The following BLK variants were observed in gnomAD, a reference collection of about 807,000 sequenced individuals.
BLK encodes the protein tyrosine-protein kinase Blk.
BLK carries 64 observed loss-of-function variants against 61.8 expected under a neutral mutation model. That is an observed-to-expected ratio of 1.03 (90% confidence interval 0.85 to 1.27). BLK has a LOEUF of 1.27. BLK is among the 50% of genes most tolerant of loss of function. The probability of loss-of-function intolerance (pLI) is 0.00; values close to 1 mark genes in which losing one functional copy is unlikely to be tolerated. For synonymous variants in BLK, 351 were observed against 272.0 expected (o/e 1.29, Z -2.86); for missense variants, 853 against 660.5 (o/e 1.29, Z -3.19).
intron 1 of BLK, among the ~76,000 whole-genome samples, 154 bp from the exon 2 acceptor site, chr8:11,543,070 C>T (rs1183927911): frequency 2.0e-5 from 3 of 152,204 alleles, no homozygotes; most frequent in Non-Finnish European, 4.4e-5. Flanking sequence ...CACCCACCCG[C>T]TTCTACCCAC....
chr8:11,505,477 G>T (rs1179515331), intron 1 of BLK, among the ~76,000 whole-genome samples: 1 of 152,144 alleles, frequency 6.6e-6, no homozygotes, highest in Non-Finnish European at 1.5e-5. Flanking sequence ...GTAGCCTCTG[G>T]CCGGTGTCCC....
chr8:11,499,642 G>C (rs1353781514), intron 1 of BLK, among the ~76,000 whole-genome samples: 1 of 152,204 alleles, frequency 6.6e-6, no homozygotes, highest in Non-Finnish European at 1.5e-5. Context: ...CTCCACAGGA[G>C]AAGCCCAGAG....
chr8:11,520,493 A>G (rs11779399), intron 1 of BLK, among the ~76,000 whole-genome samples: 1 of 148,312 alleles, frequency 6.7e-6, no homozygotes, highest in African/African-American at 2.5e-5. Flanking sequence ...AAAAAAAAAA[A>G]AAAAAAAAAG....
At chr8:11,563,755 G>A (rs937828432) in intron 12 of BLK, 148 bp from the exon 13 acceptor site, 2 of 729,942 alleles carry the variant, frequency 2.7e-6, no homozygotes, top group African/African-American at 3.6e-5. Context: ...CGGGCAGCCA[G>A]GCAACGCACG....
intron 1 of BLK, among the ~76,000 whole-genome samples, chr8:11,532,219 G>T (rs1434253210): frequency 1.0e-5 from 1 of 97,634 alleles, no homozygotes; most frequent in African/African-American, 3.5e-5. Flanking sequence ...ATTTATTTGA[G>T]ACAAAATCTC....
At chr8:11,528,272 A>G (rs1398281209) in intron 1 of BLK, among the ~76,000 whole-genome samples, 1 of 152,158 alleles carries the variant, frequency 6.6e-6, no homozygotes, top group Non-Finnish European at 1.5e-5. Context: ...CCTGAGCTCA[A>G]GTGATCTCCC....
chr8:11,495,144 C>T lies in BLK; in HGVS notation c.-2+553C>T, dbSNP rs1406487772. Among the ~76,000 whole-genome samples, 3 of 152,320 alleles carry T rather than the reference C, an allele frequency of 2.0e-5. No homozygotes were observed. In the East Asian group the frequency reaches 5.8e-4, roughly 29 times the overall value. ...CTTCTTGTTTAAGAGATCTATTTCA[C>T]CAGGAAACACCAACTGTGAAAAGGA... On this transcript the variant is annotated intron_variant, in intron 1 of 12. Transcript: ENST00000259089.
At chr8:11,548,923 C>T in intron 4 of BLK, 101 bp from the exon 5 acceptor site, 1 of 1,071,612 alleles carries the variant, frequency 9.3e-7, no homozygotes, top group East Asian at 2.6e-5. Flanking sequence ...TGCGGATTCT[C>T]TGCCCTCCAG....
At chr8:11,520,947 G>C (rs2117331175) in intron 1 of BLK, among the ~76,000 whole-genome samples, 1 of 152,072 alleles carries the variant, frequency 6.6e-6, no homozygotes, top group East Asian at 1.9e-4. Context: ...AATGAATGCA[G>C]GAATTCATAG....
chr8:11,531,545 C>T (rs941743517), intron 1 of BLK, among the ~76,000 whole-genome samples: 8 of 152,112 alleles, frequency 5.3e-5, no homozygotes, highest in African/African-American at 1.4e-4. Flanking sequence ...TTCAACAATA[C>T]GATTATAATG....
chr8:11,546,094 C>G lies in BLK; in HGVS notation c.166C>G (p.Leu56Val). 1 of 1,614,202 alleles carries G rather than the reference C, an allele frequency of 6.2e-7. No individual in the cohort carries two copies. Among genetic ancestry groups the G allele is most frequent in the Non-Finnish European group, 8.5e-7 (1 of 1,180,026 alleles). The change falls in exon 3 of 13, where the codon CTG becomes GTG. Residue 56 changes from leucine (L) to valine (V), a missense_variant. By Grantham distance (32) the Leu-to-Val change is conservative. Coordinates refer to ENST00000259089, the MANE Select transcript of BLK (RefSeq NM_001715.3). ...TACTCCTCCACCGCCCGATGAACAC[C>G]TGGATGAAGGTAAGAAGGGTGGTTT... ...HLTPPPPDEH[L>V]DEDKHFVVAL...
At chr8:11,538,148 TCACA>T (rs1345683157) in intron 1 of BLK, among the ~76,000 whole-genome samples, 2 of 152,164 alleles carry the variant, frequency 1.3e-5, no homozygotes, top group Non-Finnish European at 2.9e-5. Context: ...GCTCTCGCTC[TCACA>T]CACACACAAG....
intron 10 of BLK, chr8:11,558,687 C>A (rs1563123570): frequency 2.2e-6 from 1 of 456,288 alleles, no homozygotes; most frequent in Admixed American, 2.3e-5. Context: ...GGGTGAAGAG[C>A]AGAGTGGAGA....
intron 1 of BLK, among the ~76,000 whole-genome samples, chr8:11,515,021 C>T (rs1037587825): frequency 7.2e-5 from 11 of 152,122 alleles, no homozygotes; most frequent in African/African-American, 2.4e-4. Flanking sequence ...CTCCACATTC[C>T]CCGACAAGCT....
chr8:11,564,065 A>C lies in BLK; in HGVS notation c.1475A>C (p.Asp492Ala). Reference protein sequence around the residue: ...TFEFLQSVLEDFYTATERQYE... With the variant: ...TFEFLQSVLEAFYTATERQYE... ...GAGTTCCTGCAGTCGGTGCTGGAGG[A>C]CTTCTACACGGCCACCGAGCGGCAG... is the stretch of plus-strand genomic sequence containing the variant. The change falls in exon 13 of 13, where the codon GAC becomes GCC. Residue 492 changes from aspartate (D) to alanine (A), a missense_variant. Physicochemically the swap from Asp to Ala is moderately radical, Grantham distance 126. Transcript: ENST00000259089. The C allele has an allele frequency of 6.3e-7, 1 of 1,598,780 alleles. No homozygotes were observed. The highest frequency in any genetic ancestry group is 8.5e-7 in the Non-Finnish European group (1 of 1,176,756).
chr8:11,503,989 C>G (rs1798663093), intron 1 of BLK, among the ~76,000 whole-genome samples: 1 of 152,282 alleles, frequency 6.6e-6, no homozygotes, highest in South Asian at 2.1e-4. Flanking sequence ...GGGCTAAAGT[C>G]TCCCCAGCCT....
At chr8:11,498,386 G>C (rs934166424) in intron 1 of BLK, among the ~76,000 whole-genome samples, 2 of 152,208 alleles carry the variant, frequency 1.3e-5, no homozygotes, top group African/African-American at 4.8e-5. Flanking sequence ...CCGTGAACTT[G>C]TAAACAAGCT....
intron 1 of BLK, among the ~76,000 whole-genome samples, chr8:11,503,564 C>T (rs1263296426): frequency 6.6e-6 from 1 of 152,164 alleles, no homozygotes; most frequent in Non-Finnish European, 1.5e-5. Flanking sequence ...GCCTTTGCCA[C>T]CAGGTCAGTG....
chr8:11,515,223 G>T (rs1441841868), intron 1 of BLK, among the ~76,000 whole-genome samples: 1 of 152,176 alleles, frequency 6.6e-6, no homozygotes, highest in African/African-American at 2.4e-5. Context: ...AAGGAAGATG[G>T]GTCCTGGAAG....
Sources: allele counts gnomAD v4.1 joint callset (sites outside exome capture counted in the v4.1 genomes callset), GRCh38; gene constraint gnomAD v4.1.1; transcripts MANE v1.5; gene names NCBI Gene and HGNC (gene_info 2026-07-23, HGNC 2026-07-21).